LY75: variants seen among roughly 807,000 people sequenced by gnomAD.
LY75 encodes lymphocyte antigen 75.
LY75 carries 185 observed loss-of-function variants against 231.7 expected under a neutral mutation model. That is an observed-to-expected ratio of 0.80 (90% CI 0.71 to 0.90). The LOEUF (loss-of-function observed/expected upper bound fraction) is 0.90. Among genes scored for constraint, LY75 ranks in the 40% least tolerant of loss-of-function variants. The pLI, the probability that LY75 is intolerant of heterozygous loss-of-function variation, is 0.00. For missense variants in LY75, 1,947 were observed against 2,050.2 expected (o/e 0.95, Z 0.97); for synonymous variants, 668 against 689.0 (o/e 0.97, Z 0.48).
chr2:159,893,861 G>A, intron 3 of LY75, 53 bp downstream of exon 3: 2 of 1,534,716 alleles, frequency 1.3e-6, no homozygotes, highest in Non-Finnish European at 1.8e-6. Context: ...TCTCCCTATT[G>A]CCTCATATAA....
chr2:159,833,851 G>A (rs1266339674), intron 27 of LY75, among the ~76,000 whole-genome samples, 193 bp downstream of exon 27: 1 of 152,144 alleles, frequency 6.6e-6, no homozygotes, highest in Non-Finnish European at 1.5e-5. Context: ...ACAAAGGGCA[G>A]TTTCCCTGCA....
intron 13 of LY75, among the ~76,000 whole-genome samples, chr2:159,866,617 G>A (rs544075697): frequency 6.6e-5 from 10 of 152,060 alleles, no homozygotes; most frequent in Non-Finnish European, 1.0e-4. Flanking sequence ...CATACTGCCC[G>A]AGTGCTGGAT....
Position 159,899,152 on chromosome 2 carries a change from C to A in LY75, c.95-93G>T, listed in dbSNP as rs933979048. On this transcript the variant is annotated intron_variant, in intron 1 of 34. Coordinates refer to ENST00000263636, the MANE Select transcript of LY75 (RefSeq NM_002349.4). Reference sequence around the variant, plus strand: ...AGAGTCTGAGCACTACTGGACTGTTCCCATCCTCAGTCTGTTCCCACTCTT... The same window carrying A: ...AGAGTCTGAGCACTACTGGACTGTTACCATCCTCAGTCTGTTCCCACTCTT... 2.2e-5 allele frequency: 34 copies of A among 1,523,108 alleles called. No individual in the cohort carries two copies. In the African/African-American group the frequency reaches 2.3e-4, roughly 10 times the overall value. 94.3% of individuals were successfully genotyped at this position (1,523,108 alleles called of 1,614,324 possible).
intron 29 of LY75, among the ~76,000 whole-genome samples, chr2:159,819,004 C>T (rs910299082): frequency 2.0e-5 from 3 of 152,148 alleles, no homozygotes; most frequent in African/African-American, 7.2e-5. Context: ...GACTAAGTTT[C>T]TAAAATGTCT....
intron 1 of LY75, chr2:159,902,308 G>A (rs1402708863): frequency 6.6e-6 from 1 of 152,136 alleles, no homozygotes; most frequent in Non-Finnish European, 1.5e-5. Context: ...TTTTGTATAT[G>A]CTTCATGTTA....
chr2:159,831,543 T>C lies in LY75; in HGVS notation c.3958+127A>G, dbSNP rs1042103283. ...AAAACTGTCTTGGTATTTATGTAAG[T>C]TATGCTAAGTACATAATTATACTTT... On this transcript the variant is annotated intron_variant, in intron 28 of 34. Coordinates refer to ENST00000263636, the MANE Select transcript of LY75 (RefSeq NM_002349.4). 3.9e-6 allele frequency: 4 copies of C among 1,014,288 alleles called. No homozygotes were observed. In the Admixed American group the frequency reaches 7.6e-5, roughly 19 times the overall value. 62.8% of individuals were successfully genotyped at this position (1,014,288 alleles called of 1,614,324 possible).
At chr2:159,844,895 G>A (rs13412335) in intron 23 of LY75, among the ~76,000 whole-genome samples, 7,131 of 151,670 alleles carry the variant, frequency 0.047, 510 homozygotes, top group African/African-American at 0.16. Flanking sequence ...ACAGTACCCA[G>A]GAGGTAGTTT....
chr2:159,827,974 G>A (rs7589215), intron 28 of LY75, among the ~76,000 whole-genome samples: 32,811 of 151,906 alleles, frequency 0.22, 4,971 homozygotes, highest in African/African-American at 0.42. Flanking sequence ...GGGGCTAGGG[G>A]AGGGATAACA....
chr2:159,904,117 CG>C (rs149379254), intron 1 of LY75, among the ~76,000 whole-genome samples: 22,321 of 152,264 alleles, frequency 0.15, 1,917 homozygotes, highest in Middle Eastern at 0.37. Flanking sequence ...CAGTGAAATC[CG>C]GGAATCGTGG....
intron 26 of LY75, 63 bp from the exon 27 acceptor site, chr2:159,834,274 G>A: frequency 6.3e-7 from 1 of 1,592,082 alleles, no homozygotes; most frequent in East Asian, 2.3e-5. Context: ...CCTGTTTGCA[G>A]TCATTAGGCT....
chr2:159,819,916 C>A lies in LY75; in HGVS notation c.3963G>T (p.Lys1321Asn), dbSNP rs12692566. ...GGGTCTTATCAAACCACATAAGAGACTTATCTAGAGAAGAAACATTTTTTC... is the reference window on the plus strand; with the variant it reads ...GGGTCTTATCAAACCACATAAGAGAATTATCTAGAGAAGAAACATTTTTTC... ...WVMLGITYRN[K>N]SLMWFDKTPL... The change falls in exon 29 of 35, where the codon AAG becomes AAT. Residue 1321 changes from lysine to asparagine, a missense_variant. By Grantham distance (94) the Lys-to-Asn change is moderately conservative (BLOSUM62 0). Coordinates refer to ENST00000263636, the MANE Select transcript of LY75 (RefSeq NM_002349.4). 0.83 allele frequency: 1,320,805 copies of A among 1,594,716 alleles called. 548,338 individuals carry two copies. The highest frequency in any genetic ancestry group is 0.91 in the East Asian group (40,644 of 44,682).
intron 23 of LY75, among the ~76,000 whole-genome samples, chr2:159,846,446 G>A (rs950023098): frequency 1.3e-5 from 2 of 152,108 alleles, no homozygotes; most frequent in African/African-American, 4.8e-5. Context: ...CGGATTGCTT[G>A]AGGTCAGGTT....
intron 20 of LY75, 43 bp downstream of exon 20, chr2:159,853,230 C>A: frequency 1.3e-6 from 2 of 1,559,664 alleles, no homozygotes; most frequent in East Asian, 2.3e-5. Context: ...CTGAACTTCA[C>A]ATATTACATA....
At chr2:159,868,354 A>G (rs1574572951) in intron 13 of LY75, among the ~76,000 whole-genome samples, 1 of 152,322 alleles carries the variant, frequency 6.6e-6, no homozygotes, top group East Asian at 1.9e-4. Flanking sequence ...AAAATTAAAC[A>G]TAGTACATTC....
chr2:159,868,920 T>A (rs1049709488), intron 13 of LY75, among the ~76,000 whole-genome samples: 1 of 152,150 alleles, frequency 6.6e-6, no homozygotes, highest in Non-Finnish European at 1.5e-5. Flanking sequence ...TGGTGGTGTA[T>A]TTGAAAGGCC....
chr2:159,833,322 G>T (rs1158189606), intron 27 of LY75, among the ~76,000 whole-genome samples: 1 of 152,000 alleles, frequency 6.6e-6, no homozygotes, highest in African/African-American at 2.4e-5. Flanking sequence ...TCACTATGTT[G>T]CCCAGGCTGG....
chr2:159,874,538 T>A (rs1344699185), intron 12 of LY75, among the ~76,000 whole-genome samples: 2 of 79,820 alleles, frequency 2.5e-5, no homozygotes, highest in African/African-American at 7.5e-5. Context: ...TAAATCTATA[T>A]AAATATGTAC....
At position 159,888,291 on chromosome 2, in the gene LY75, A is replaced by T. The variant is rs60575400; in HGVS notation, c.803-1761T>A. ...CTACTTGGAAGACTGAGGTGGGAAG[A>T]TCGCTTGAGCCCAAGAGTTGAGGCT... is the stretch of plus-strand genomic sequence containing the variant. On this transcript the variant is annotated intron_variant, in intron 4 of 34. Coordinates refer to ENST00000263636, the MANE Select transcript of LY75 (RefSeq NM_002349.4). Among the ~76,000 whole-genome samples the T allele has an allele frequency of 9.1e-3, 1,380 of 152,310 alleles. 20 individuals carry two copies. Among genetic ancestry groups the T allele is most frequent in the African/African-American group, 0.031 (1,290 of 41,562 alleles).
intron 4 of LY75, among the ~76,000 whole-genome samples, chr2:159,886,876 T>C (rs953433957): frequency 1.3e-5 from 2 of 152,118 alleles, no homozygotes; most frequent in East Asian, 1.9e-4. Context: ...GCAGTTTCCA[T>C]TGTACTTCTA....
Sources: gnomAD v4.1 joint callset for allele counts (sites outside exome capture counted in the v4.1 genomes callset) on GRCh38, gnomAD v4.1.1 for gene constraint, MANE v1.5 for transcripts, NCBI Gene and HGNC (gene_info 2026-07-23, HGNC 2026-07-21) for gene names.